The following NFATC2 variants were observed in gnomAD, a reference collection of about 807,000 sequenced individuals.
NFATC2 encodes nuclear factor of activated T cells 2.
NFATC2 carries 22 observed loss-of-function variants against 87.3 expected under a neutral mutation model. The ratio of observed to expected loss-of-function variants is 0.25; its 90% CI spans 0.18 to 0.36. The LOEUF (loss-of-function observed/expected upper bound fraction) is 0.36. NFATC2 is among the 10% of genes least tolerant of loss of function. The pLI, the probability that NFATC2 is intolerant of heterozygous loss-of-function variation, is 1.00. For synonymous variants in NFATC2, 565 were observed against 542.2 expected, an observed-to-expected ratio of 1.04 and a Z score of -0.58; for missense variants, 1,149 against 1,259.1, an observed-to-expected ratio of 0.91 and a Z score of 1.32.
intron 3 of NFATC2, among the ~76,000 whole-genome samples, chr20:51,513,934 G>A (rs2076311244): frequency 6.6e-6 from 1 of 152,236 alleles, no homozygotes; most frequent in Non-Finnish European, 1.5e-5. Context: ...TGGATGATCA[G>A]ATCTACTGTG....
At position 51,533,717 on chromosome 20, in the gene NFATC2, G is replaced by T. The variant is rs543802485; in HGVS notation, c.130+8653C>A. On this transcript the variant is annotated intron_variant, in intron 1 of 10. Transcript: ENST00000371564. ...CAGGCAGGCTGCCGCAAGGCCAGGC[G>T]CCCAGGACACAGGACTGAGGTGATC... Among the ~76,000 whole-genome samples the T allele has an allele frequency of 1.8e-3, 276 of 152,376 alleles. 3 individuals are homozygous for T. Among genetic ancestry groups the T allele is most frequent in the African/African-American group, 6.4e-3 (268 of 41,596 alleles).
At chr20:51,448,987 G>A (rs1985437351) in intron 6 of NFATC2, among the ~76,000 whole-genome samples, 1 of 152,046 alleles carries the variant, frequency 6.6e-6, no homozygotes, top group Admixed American at 6.5e-5. Flanking sequence ...TTTTTCCACT[G>A]CTCTCCAATT....
chr20:51,436,389 T>A (rs1049153173), intron 6 of NFATC2, among the ~76,000 whole-genome samples: 3 of 109,670 alleles, frequency 2.7e-5, no homozygotes, highest in South Asian at 3.8e-4. Context: ...ATGTCTATCT[T>A]TCTATTTTTT....
intron 1 of NFATC2, among the ~76,000 whole-genome samples, chr20:51,548,176 G>A (rs951421290): frequency 6.6e-6 from 1 of 151,886 alleles, no homozygotes; most frequent in East Asian, 1.9e-4. Context: ...CCTTGATAAC[G>A]CCCACATGAC....
At chr20:51,418,557 C>T (rs942640589) in intron 9 of NFATC2, among the ~76,000 whole-genome samples, 1 of 151,964 alleles carries the variant, frequency 6.6e-6, no homozygotes, top group African/African-American at 2.4e-5. Flanking sequence ...CTGGACTGAC[C>T]GTTAGGAGAG....
At chr20:51,516,214 C>T (rs2076348490) in intron 3 of NFATC2, among the ~76,000 whole-genome samples, 1 of 151,936 alleles carries the variant, frequency 6.6e-6, no homozygotes, top group Non-Finnish European at 1.5e-5. Context: ...AAAGGAAATG[C>T]TCATGGCAAA....
At chr20:51,533,614 T>G (rs2076671447) in intron 1 of NFATC2, among the ~76,000 whole-genome samples, 1 of 152,240 alleles carries the variant, frequency 6.6e-6, no homozygotes, top group African/African-American at 2.4e-5. Context: ...AGGCGATGTC[T>G]TTGCTGACCT....
chr20:51,456,694 A>T (rs776917523), intron 5 of NFATC2, among the ~76,000 whole-genome samples: 6 of 152,210 alleles, frequency 3.9e-5, no homozygotes, highest in Non-Finnish European at 5.9e-5. Flanking sequence ...AGAACTGGGC[A>T]GAGGGCCAGC....
At position 51,496,438 on chromosome 20, in the gene NFATC2, C is replaced by T. The variant is rs138497334; in HGVS notation, c.1332+20346G>A. On this transcript the variant is annotated intron_variant, in intron 3 of 10. Transcript: ENST00000371564. ...TTTACATCCTGCAACCACCCCCCGC[C>T]CCCCACTCAAATGTCACCTCCTCAG... Among the ~76,000 whole-genome samples the T allele has an allele frequency of 1.9e-3, 289 of 151,972 alleles. 1 individual carries two copies. Among genetic ancestry groups the T allele is most frequent in the African/African-American group, 6.8e-3 (282 of 41,394 alleles).
intron 5 of NFATC2, among the ~76,000 whole-genome samples, chr20:51,457,255 G>C (rs953182552): frequency 6.6e-6 from 1 of 152,224 alleles, no homozygotes; most frequent in Non-Finnish European, 1.5e-5. Context: ...GGAGCAGCTG[G>C]GGGCTTTTGG....
At chr20:51,543,320 G>C (rs1037200450), upstream of NFATC2, among the ~76,000 whole-genome samples, 4 of 152,228 alleles carry the variant, frequency 2.6e-5, no homozygotes, top group African/African-American at 9.6e-5. Flanking sequence ...GGAAGCTCAG[G>C]CTCTGGTAGT....
intron 9 of NFATC2, among the ~76,000 whole-genome samples, chr20:51,409,275 A>G (rs1451714039): frequency 6.6e-6 from 1 of 152,236 alleles, no homozygotes; most frequent in East Asian, 1.9e-4. Context: ...ACCAGGAGAC[A>G]GCGAAAGAAC....
chr20:51,482,878 T>C (rs1989381451), intron 3 of NFATC2, among the ~76,000 whole-genome samples: 1 of 152,252 alleles, frequency 6.6e-6, no homozygotes, highest in Non-Finnish European at 1.5e-5. Flanking sequence ...TGTCCTCTTG[T>C]CATTGAATCT....
In NFATC2 at chr20:51,398,728, G is replaced by T; in HGVS notation, c.2725C>A (p.Leu909Met). The change falls in exon 10 of 11, where the codon CTG becomes ATG. Residue 909 changes from leucine to methionine, a missense_variant and splice_region_variant. Around this residue, in one of 3 missense-constraint regions of NFATC2, gnomAD observed 581 missense variants for 649.7 expected, o/e 0.89. Transcript: ENST00000371564. ...ATCCAGCTAAGGTGTGTGTCTATCAGCTCTGAAAAAGATTTGCAAAATCAT... is the reference window on the plus strand; with the variant it reads ...ATCCAGCTAAGGTGTGTGTCTATCATCTCTGAAAAAGATTTGCAAAATCAT... ...NLDQTYLDDE[L>M]IDTHLSWIQN... The T allele has an allele frequency of 2.5e-6, 4 of 1,607,800 alleles. No individual in the cohort carries two copies. The highest frequency in any genetic ancestry group is 1.7e-6 in the Non-Finnish European group (2 of 1,175,620).
intron 6 of NFATC2, among the ~76,000 whole-genome samples, chr20:51,450,265 TG>T (rs1189021098): frequency 1.3e-5 from 2 of 152,208 alleles, no homozygotes; most frequent in African/African-American, 4.8e-5. Flanking sequence ...GTGACCGCTG[TG>T]GGTTACAGCC....
intron 5 of NFATC2, among the ~76,000 whole-genome samples, chr20:51,471,856 T>C (rs747116711): frequency 4.6e-5 from 7 of 152,262 alleles, no homozygotes; most frequent in Non-Finnish European, 8.8e-5. Flanking sequence ...TGGTTTATTT[T>C]TAAAAACCAG....
At chr20:51,472,463 G>C (rs1229436912) in intron 5 of NFATC2, among the ~76,000 whole-genome samples, 1 of 151,728 alleles carries the variant, frequency 6.6e-6, no homozygotes, top group Non-Finnish European at 1.5e-5. Flanking sequence ...GTGACACCTA[G>C]TTATGGTAAA....
intron 5 of NFATC2, among the ~76,000 whole-genome samples, chr20:51,460,002 T>C (rs1045091808): frequency 3.3e-5 from 5 of 152,208 alleles, no homozygotes; most frequent in African/African-American, 1.2e-4. Context: ...ATAGCTAAAA[T>C]GGTAAATTTT....
intron 1 of NFATC2, 150 bp downstream of exon 1, chr20:51,542,220 C>G: frequency 1.0e-6 from 1 of 971,700 alleles, no homozygotes; most frequent in African/African-American, 1.7e-5. Context: ...GCCACTGACG[C>G]CTCCCCTCCC....
Sources: allele counts gnomAD v4.1 joint callset (sites outside exome capture counted in the v4.1 genomes callset), GRCh38; gene constraint gnomAD v4.1.1; regional missense constraint gnomAD v4.1.1; transcripts MANE v1.5; gene names NCBI Gene and HGNC (gene_info 2026-07-23, HGNC 2026-07-21).